Variants in SCART1 observed in about 807,000 individuals in gnomAD.
SCART1 encodes the protein scavenger receptor cysteine-rich domain-containing protein SCART1.
A neutral mutation model predicts 36.2 loss-of-function variants in SCART1; 62 were observed. The observed-to-expected ratio is 1.71, with a 90% CI of 1.40 to 2.12. The LOEUF (loss-of-function observed/expected upper bound fraction) is 2.12. Ranked by LOEUF, SCART1 falls within the 30% of genes most tolerant of loss-of-function variation. The probability of loss-of-function intolerance (pLI) is 0.00; values close to 1 mark genes in which losing one functional copy is unlikely to be tolerated. For missense variants in SCART1, 1,041 were observed against 540.5 expected (o/e 1.93, Z -9.18); for synonymous variants, 487 against 238.7 (o/e 2.04, Z -9.59).
intron 4 of SCART1, 40 bp from the exon 5 acceptor site, chr10:133,458,981 C>G (rs570994683): frequency 1.6e-6 from 1 of 645,070 alleles, no homozygotes. Flanking sequence ...TGTTCTGGGT[C>G]GGCCGTCTGC....
At chr10:133,456,296 G>T in exon 2 of SCART1, 1 of 702,962 alleles carries the variant, frequency 1.4e-6, no homozygotes, top group South Asian at 1.5e-5. Context: ...AGTGGTGTTG[G>T]TCCGACACCA....
rs780606188 is a variant in SCART1 at position 133,457,229 on chromosome 10, T to G, written c.386-50T>G. Reference sequence around the variant, plus strand: ...TGAAAAAGGAGCTGCCGAGTGACCATGCGGCCAGCTGGGTCCATACCTTAA... The same window carrying G: ...TGAAAAAGGAGCTGCCGAGTGACCAGGCGGCCAGCTGGGTCCATACCTTAA... On this transcript the variant is annotated intron_variant, in intron 2 of 11. Coordinates refer to ENST00000640237, the Ensembl canonical transcript of SCART1. 1.1e-4 allele frequency: 75 copies of G among 684,908 alleles called. No individual in the cohort carries two copies. The South Asian group carries it at 1.1e-3, about 10-fold the overall frequency. 42.4% of individuals were successfully genotyped at this position (684,908 alleles called of 1,614,324 possible).
At position 133,457,576 on chromosome 10, in the gene SCART1, G is replaced by C. The variant is rs1273640037; in HGVS notation, c.682+1G>C. 1 of 687,014 alleles carries C rather than the reference G, an allele frequency of 1.5e-6. No individual in the cohort carries two copies. Among genetic ancestry groups the C allele is most frequent in the South Asian group, 1.5e-5 (1 of 65,378 alleles). The allele number at this position is 687,014 out of a possible 1,614,324, so 42.6% of individuals were successfully genotyped here. On this transcript the variant is annotated splice_donor_variant, in intron 3 of 11. Transcript: ENST00000640237. LOFTEE classifies it high-confidence loss of function. ...CTGGACGCAGAGGTGGTCTGCTCAG[G>C]TGAGGCTGCCACCTGATGTTCCCAG...
At chr10:133,461,959 C>T (rs967054105) in intron 6 of SCART1, among the ~76,000 whole-genome samples, 1 of 152,236 alleles carries the variant, frequency 6.6e-6, no homozygotes, top group African/African-American at 2.4e-5. Context: ...TCTACAGGCA[C>T]CCGGCTGTCA....
exon 3 of SCART1, chr10:133,457,381 A>T: frequency 1.4e-6 from 1 of 701,870 alleles, no homozygotes; most frequent in Non-Finnish European, 2.6e-6. Flanking sequence ...TGTGTCCTGC[A>T]TGTGGAGGAG....
exon 6 of SCART1, chr10:133,460,004 C>T (rs1343908463): frequency 3.8e-6 from 2 of 531,062 alleles, no homozygotes; most frequent in Non-Finnish European, 6.6e-6. Context: ...GCTGTGGCCG[C>T]GCCCTGAGCG....
intron 3 of SCART1, chr10:133,457,873 T>C (rs966992133): frequency 3.7e-6 from 2 of 536,494 alleles, no homozygotes; most frequent in African/African-American, 3.8e-5. Flanking sequence ...ATGTCTAACA[T>C]GGATCGGGGT....
At chr10:133,464,471 T>C in intron 6 of SCART1, 135 bp from the exon 7 acceptor site, 1 of 589,336 alleles carries the variant, frequency 1.7e-6, no homozygotes. Context: ...CTAGTTTAAA[T>C]TTTCTGAAGA....
chr10:133,466,459 G>C lies in SCART1; in HGVS notation c.2806+78G>C, dbSNP rs1019685455. ...GCTCACAGCTCCAGCCTGGTGTTGGGGTCTGGGCAGGCGGGGTGCCCCACA... is the reference window on the plus strand; with the variant it reads ...GCTCACAGCTCCAGCCTGGTGTTGGCGTCTGGGCAGGCGGGGTGCCCCACA... On this transcript the variant is annotated intron_variant, in intron 10 of 11. Coordinates refer to ENST00000640237, the Ensembl canonical transcript of SCART1. 1.5e-4 allele frequency: 100 copies of C among 662,344 alleles called. 1 individual carries two copies. Among genetic ancestry groups the C allele is most frequent in the South Asian group, 9.3e-4 (55 of 59,140 alleles). 41.0% of individuals were successfully genotyped at this position (662,344 alleles called of 1,614,324 possible).
At chr10:133,464,457 A>G in intron 6 of SCART1, 149 bp from the exon 7 acceptor site, 1 of 584,544 alleles carries the variant, frequency 1.7e-6, no homozygotes, top group South Asian at 2.2e-5. Flanking sequence ...ATTGTGTAGT[A>G]GCTCTAGTTT....
exon 2 of SCART1, chr10:133,456,343 G>A (rs764194483): frequency 2.8e-5 from 20 of 702,972 alleles, no homozygotes; most frequent in South Asian, 2.4e-4. Context: ...AGGAGTGGAC[G>A]CTGGCAGAGG....
At chr10:133,461,029 C>A (rs1479507634) in intron 6 of SCART1, among the ~76,000 whole-genome samples, 1 of 152,144 alleles carries the variant, frequency 6.6e-6, no homozygotes, top group East Asian at 1.9e-4. Context: ...AGCCACCGCA[C>A]CTGACCATTT....
intron 6 of SCART1, among the ~76,000 whole-genome samples, chr10:133,462,476 T>C (rs959113939): frequency 2.6e-5 from 4 of 152,146 alleles, no homozygotes; most frequent in African/African-American, 9.7e-5. Context: ...GTCCAAAAAA[T>C]TAGAAAGAAA....
intron 2 of SCART1, 84 bp from the exon 3 acceptor site, chr10:133,457,193 ACT>A: frequency 1.5e-6 from 1 of 676,466 alleles, no homozygotes; most frequent in South Asian, 1.6e-5. Context: ...TCAGCCCATC[ACT>A]GTCCTCCCTG....
chr10:133,465,023 C>G (rs1850746660), intron 7 of SCART1, 83 bp from the exon 8 acceptor site: 1 of 700,320 alleles, frequency 1.4e-6, no homozygotes, highest in African/African-American at 1.7e-5. Context: ...AGAGCCTGGG[C>G]CTGGGGGTCA....
At chr10:133,463,713 G>A (rs1046671283) in intron 6 of SCART1, among the ~76,000 whole-genome samples, 2 of 151,782 alleles carry the variant, frequency 1.3e-5, no homozygotes, top group African/African-American at 4.8e-5. Context: ...GACAATCTTT[G>A]TACATCTCTA....
At chr10:133,460,398 C>A (rs1850683043) in intron 6 of SCART1, among the ~76,000 whole-genome samples, 1 of 150,938 alleles carries the variant, frequency 6.6e-6, no homozygotes, top group Non-Finnish European at 1.5e-5. Context: ...CAGGTTGGCC[C>A]TGGGGCAGCC....
exon 2 of SCART1, chr10:133,456,451 C>T (rs11101759): frequency 0.16 from 111,550 of 702,132 alleles, 8,551 homozygotes; most frequent in East Asian, 0.26. Flanking sequence ...GGCTTCACAA[C>T]GTGTCCTGCC....
intron 2 of SCART1, chr10:133,456,964 T>G: frequency 2.0e-6 from 1 of 506,536 alleles, no homozygotes; most frequent in Non-Finnish European, 3.5e-6. Flanking sequence ...GTCCCTCACA[T>G]TTTATGTGGC....
Sources: gnomAD v4.1 joint callset for allele counts (sites outside exome capture counted in the v4.1 genomes callset) on GRCh38, gnomAD v4.1.1 for gene constraint, MANE v1.5 for transcripts, NCBI Gene and HGNC (gene_info 2026-07-23, HGNC 2026-07-21) for gene names.